The following EIF3A variants were observed in gnomAD, a reference collection of about 807,000 sequenced individuals.
EIF3A encodes eukaryotic translation initiation factor 3 subunit A, also known as EIF3, p180 subunit.
In EIF3A, 21 loss-of-function variants were observed where a neutral mutation model predicts 186.6. That is an observed-to-expected ratio of 0.11 (90% CI 0.08 to 0.16). The LOEUF is 0.16. Ranked by LOEUF, EIF3A falls within the 10% of genes least tolerant of loss-of-function variation. The pLI, the probability that EIF3A is intolerant of heterozygous loss-of-function variation, is 1.00. For synonymous variants in EIF3A, 563 were observed against 584.3 expected, an observed-to-expected ratio of 0.96 and a Z score of 0.52; for missense variants, 1,306 against 1,796.3, an observed-to-expected ratio of 0.73 and a Z score of 4.93.
Position 119,050,503 on chromosome 10 carries a change from C to G in EIF3A, c.2473+18G>C. The G allele has an allele frequency of 6.2e-7, 1 of 1,610,610 alleles. No homozygotes were observed. Among genetic ancestry groups the G allele is most frequent in the Non-Finnish European group, 8.5e-7 (1 of 1,177,568 alleles). On this transcript the variant is annotated intron_variant, in intron 16 of 21. Transcript: ENST00000369144. The stretch of plus-strand genomic sequence containing the variant: ...AACCTTGCATTAGCACCCCTCCAAT[C>G]CTGTTTGACCTGTGTACCTTTTAGC...
chr10:119,065,347 G>A, intron 7 of EIF3A, 52 bp downstream of exon 7: 1 of 1,357,218 alleles, frequency 7.4e-7, no homozygotes, highest in African/African-American at 1.4e-5. Flanking sequence ...TATTAAACCT[G>A]ACCACAAAGT....
chr10:119,064,466 C>T (rs1047645529), intron 7 of EIF3A, among the ~76,000 whole-genome samples: 1 of 152,158 alleles, frequency 6.6e-6, no homozygotes, highest in East Asian at 1.9e-4. Context: ...GTAGGCCCAT[C>T]CTCATGATAA....
Position 119,080,697 on chromosome 10 carries a change from A to T in EIF3A, c.-21T>A. On this transcript the variant is annotated 5_prime_UTR_variant, in exon 1 of 22. Coordinates refer to ENST00000369144, the MANE Select transcript of EIF3A (RefSeq NM_003750.4). ...GGCATCTTGGCGGCAGGCTCAGCTC[A>T]CCCGGCGTCAGCGAACTCTCTAGTG... is the stretch of plus-strand genomic sequence containing the variant. The T allele has an allele frequency of 1.3e-6, 2 of 1,583,800 alleles. No individual in the cohort carries two copies. The highest frequency in any genetic ancestry group is 1.7e-6 in the Non-Finnish European group (2 of 1,166,468).
intron 19 of EIF3A, among the ~76,000 whole-genome samples, chr10:119,041,332 G>A (rs894191009): frequency 3.3e-5 from 5 of 152,168 alleles, no homozygotes; most frequent in Admixed American, 6.5e-5. Context: ...CTTCACTTTG[G>A]GAGGGAGAGG....
At chr10:119,078,942 GC>G (rs1844218726) in intron 1 of EIF3A, among the ~76,000 whole-genome samples, 1 of 151,812 alleles carries the variant, frequency 6.6e-6, no homozygotes, top group South Asian at 2.1e-4. Context: ...TGGCCTACTA[GC>G]ACGGGGAAAA....
At chr10:119,051,580 G>GA (rs1848357265) in intron 14 of EIF3A, among the ~76,000 whole-genome samples, 1 of 152,134 alleles carries the variant, frequency 6.6e-6, no homozygotes, top group Non-Finnish European at 1.5e-5. Flanking sequence ...CTTTATAAAG[G>GA]AAAAATTATG....
intron 6 of EIF3A, among the ~76,000 whole-genome samples, chr10:119,068,715 C>T (rs534270722): frequency 1.3e-5 from 2 of 151,808 alleles, no homozygotes; most frequent in African/African-American, 4.8e-5. Context: ...GTGGCTCACT[C>T]CTGTAATCCC....
chr10:119,078,328 AT>A (rs1474251553), intron 1 of EIF3A, among the ~76,000 whole-genome samples: 3 of 152,206 alleles, frequency 2.0e-5, no homozygotes, highest in Admixed American at 2.0e-4. Flanking sequence ...GACTACTATA[AT>A]TTTTCCCCCA....
At chr10:119,080,601 C>G (rs900625441) in intron 1 of EIF3A, 27 bp downstream of exon 1, 2 of 1,568,982 alleles carry the variant, frequency 1.3e-6, no homozygotes, top group Non-Finnish European at 1.7e-6. Context: ...GCCGCCCCAG[C>G]CCGGCGCGCC....
chr10:119,042,802 T>C lies in EIF3A; in HGVS notation c.2748-30A>G. 1 of 1,528,904 alleles carries C rather than the reference T, an allele frequency of 6.5e-7. No individual in the cohort carries two copies. The highest frequency in any genetic ancestry group is 8.7e-7 in the Non-Finnish European group (1 of 1,147,168). 94.7% of individuals were successfully genotyped at this position (1,528,904 alleles called of 1,614,324 possible). A position where few individuals can be genotyped will look rare whatever the true frequency, so the allele number is the denominator to read the frequency against. On this transcript the variant is annotated intron_variant, in intron 18 of 21. Transcript: ENST00000369144. This position sits in a 1 kb window ranked among gnomAD's most constrained non-coding sequence, Gnocchi z 7.8. ...ACAGCAACAAGAACAATTAAAAATA[T>C]ATAAAATAAAAAAGCATATGATCCT...
Position 119,050,336 on chromosome 10 carries a change from G to A in EIF3A, c.2473+185C>T, listed in dbSNP as rs571428672. On this transcript the variant is annotated intron_variant, in intron 16 of 21. Coordinates refer to ENST00000369144, the MANE Select transcript of EIF3A (RefSeq NM_003750.4). ...ATTTCTAGAAGAACATCAAATGTGT[G>A]GGGAAATGCTGGCAGACGATGTAAC... 2.0e-5 allele frequency among the ~76,000 whole-genome samples: 3 copies of A among 152,278 alleles called. No individual in the cohort carries two copies. In the South Asian group the frequency reaches 6.2e-4, roughly 32 times the overall value.
intron 14 of EIF3A, among the ~76,000 whole-genome samples, chr10:119,055,598 G>C (rs1843765435): frequency 6.6e-6 from 1 of 151,758 alleles, no homozygotes; most frequent in Non-Finnish European, 1.5e-5. Context: ...GGCTGGGGGA[G>C]GTGTGATTCA....
intron 7 of EIF3A, among the ~76,000 whole-genome samples, chr10:119,062,639 C>T (rs544854233): frequency 1.3e-5 from 2 of 152,050 alleles, no homozygotes; most frequent in African/African-American, 4.8e-5. Context: ...ATGACTTGCT[C>T]ACAGAGTTTT....
In EIF3A at chr10:119,073,460, T is replaced by C. The variant is rs1358158637; in HGVS notation, c.358A>G (p.Asn120Asp). Residue 120 changes from asparagine (N) to aspartate (D), a missense_variant, in exon 3 of 22, where the codon AAT (asparagine) becomes GAT (aspartate). Coordinates refer to ENST00000369144, the MANE Select transcript of EIF3A (RefSeq NM_003750.4). ...ACATACCTCTCAGGAGTTTGAATAT[T>C]ATCTAGATCCTCTATATCTAAGACC... ...QMVLDIEDLD[N>D]IQTPESVLLS... is the part of the protein sequence containing the mutation. 6.2e-6 allele frequency: 10 copies of C among 1,607,034 alleles called. 1 individual carries two copies. Among genetic ancestry groups the C allele is most frequent in the Non-Finnish European group, 8.5e-6 (10 of 1,174,784 alleles).
chr10:119,080,782 C>T lies in EIF3A; in HGVS notation c.-106G>A, dbSNP rs1844253553. 3.4e-6 allele frequency: 5 copies of T among 1,453,202 alleles called. No individual in the cohort carries two copies. Among genetic ancestry groups the T allele is most frequent in the Non-Finnish European group, 4.6e-6 (5 of 1,098,688 alleles). 90.0% of individuals were successfully genotyped at this position (1,453,202 alleles called of 1,614,324 possible). ...CGTAAGGTCCCACGCGCCTCGCCAG[C>T]AGTCGCCCGCGCCCAGCCGGCCAGA... On this transcript the variant is annotated 5_prime_UTR_variant, in exon 1 of 22. Coordinates refer to ENST00000369144, the MANE Select transcript of EIF3A (RefSeq NM_003750.4).
chr10:119,068,883 G>C (rs1041127196), intron 6 of EIF3A, among the ~76,000 whole-genome samples: 1 of 136,428 alleles, frequency 7.3e-6, no homozygotes, highest in African/African-American at 2.8e-5. Flanking sequence ...TGAGCCAGGA[G>C]AATCGCTTGA....
At chr10:119,075,879 ATTTTTTT>A (rs58100835) in intron 1 of EIF3A, among the ~76,000 whole-genome samples, 5 of 94,060 alleles carry the variant, frequency 5.3e-5, no homozygotes, top group East Asian at 3.3e-4. Flanking sequence ...CGCCTGGCTA[ATTTTTTT>A]TTTTTTTTTT....
intron 20 of EIF3A, 60 bp downstream of exon 20, chr10:119,038,178 G>A: frequency 1.4e-6 from 2 of 1,453,382 alleles, no homozygotes; most frequent in Non-Finnish European, 1.9e-6. Context: ...AAAGTGCTGG[G>A]ATTACAGGCA....
Position 119,040,422 on chromosome 10 carries a change from T to C in EIF3A, c.3526+1572A>G, listed in dbSNP as rs368397142. Among the ~76,000 whole-genome samples, 5 of 152,114 alleles carry C rather than the reference T, an allele frequency of 3.3e-5. No homozygotes were observed. In the East Asian group the frequency reaches 9.6e-4, roughly 29 times the overall value. On this transcript the variant is annotated intron_variant, in intron 19 of 21. Coordinates refer to ENST00000369144, the MANE Select transcript of EIF3A (RefSeq NM_003750.4). ...TGGACAGTGATGCCCCTGAAGAGAA[T>C]CAGAGGGATGGGTGGGCGTGAACAA...
Sources: gnomAD v4.1 joint callset for allele counts (sites outside exome capture counted in the v4.1 genomes callset) on GRCh38, gnomAD v4.1.1 for gene constraint, Gnocchi (gnomAD v3.1) non-coding constraint, MANE v1.5 for transcripts, NCBI Gene and HGNC (gene_info 2026-07-23, HGNC 2026-07-21) for gene names.